ALK: variants seen among roughly 807,000 people sequenced by gnomAD.
The protein encoded by ALK is ALK receptor tyrosine kinase.
ALK carries 74 observed loss-of-function variants against 163.1 expected under a neutral mutation model. That is an observed-to-expected ratio of 0.45 (90% CI 0.38 to 0.55). The LOEUF is 0.55. Ranked by LOEUF, ALK falls within the 20% of genes least tolerant of loss-of-function variation. The pLI is 0.00. For missense variants in ALK, 2,063 were observed against 2,105.3 expected, an observed-to-expected ratio of 0.98 and a Z score of 0.39; for synonymous variants, 960 against 843.2, an observed-to-expected ratio of 1.14 and a Z score of -2.40.
intron 3 of ALK, among the ~76,000 whole-genome samples, chr2:29,573,839 C>A (rs756325138): frequency 6.6e-6 from 1 of 152,118 alleles, no homozygotes; most frequent in Non-Finnish European, 1.5e-5. Flanking sequence ...AAGACTGATT[C>A]ATGCAATAAG....
chr2:29,419,639 C>G (rs1044161286), intron 4 of ALK, among the ~76,000 whole-genome samples: 4 of 151,386 alleles, frequency 2.6e-5, no homozygotes, highest in African/African-American at 9.8e-5. Context: ...CTTAACTGCT[C>G]TATGAAGAAG....
chr2:29,247,179 T>A (rs1019210660), intron 12 of ALK, among the ~76,000 whole-genome samples: 13 of 151,114 alleles, frequency 8.6e-5, no homozygotes, highest in Non-Finnish European at 1.3e-4. Context: ...TCCCCCGGCC[T>A]CCGCGGCAGC....
intron 4 of ALK, among the ~76,000 whole-genome samples, chr2:29,491,735 G>A (rs999802844): frequency 2.0e-5 from 3 of 152,160 alleles, no homozygotes; most frequent in African/African-American, 7.2e-5. Context: ...TTCTTTAACT[G>A]ACAAATTAGT....
chr2:29,382,449 A>G (rs1194855747), intron 5 of ALK, among the ~76,000 whole-genome samples: 1 of 152,168 alleles, frequency 6.6e-6, no homozygotes, highest in Admixed American at 6.5e-5. Context: ...CAGGTCAAGA[A>G]ATTTTTGCAG....
chr2:29,701,360 G>C (rs1215297753), intron 2 of ALK, among the ~76,000 whole-genome samples: 1 of 152,122 alleles, frequency 6.6e-6, no homozygotes, highest in Non-Finnish European at 1.5e-5. Context: ...CTCCAACATT[G>C]CCCAGTTTCC....
At chr2:29,280,415 G>A (rs112971627) in intron 9 of ALK, among the ~76,000 whole-genome samples, 181 of 148,086 alleles carry the variant, frequency 1.2e-3, no homozygotes, top group African/African-American at 4.3e-3. Flanking sequence ...TCTGGGATGG[G>A]AGGAAAGTTC....
chr2:29,353,767 A>G (rs537544382), intron 5 of ALK, among the ~76,000 whole-genome samples: 106 of 152,290 alleles, frequency 7.0e-4, no homozygotes, highest in Non-Finnish European at 1.2e-3. Flanking sequence ...ATTAGGTTGA[A>G]CCAGATGAAA....
chr2:29,534,321 T>A (rs189748241), intron 3 of ALK, among the ~76,000 whole-genome samples: 52 of 152,316 alleles, frequency 3.4e-4, no homozygotes, highest in Non-Finnish European at 4.4e-4. Flanking sequence ...AAGTGTTTGC[T>A]ATATTACTGT....
At chr2:29,780,509 G>T (rs757909421) in intron 1 of ALK, among the ~76,000 whole-genome samples, 8 of 152,184 alleles carry the variant, frequency 5.3e-5, no homozygotes, top group Non-Finnish European at 7.3e-5. Flanking sequence ...AGTGCTTAGG[G>T]CTAGTTTTCA....
chr2:29,920,632 G>A lies in ALK; in HGVS notation c.28C>T (p.Leu10=), dbSNP rs763976087. 137 of 1,540,572 alleles carry A rather than the reference G, an allele frequency of 8.9e-5. 2 individuals carry two copies. In the South Asian group the frequency reaches 1.6e-3, roughly 18 times the overall value. The part of the protein sequence containing the change: MGAIGLLWL[L]PLLLSTAAVG... ...GCTGCCGTGGAAAGCAGCAGCGGCA[G>A]GAGCCACAGGAGCCCGATGGCTCCC... The change falls in exon 1 of 29, where the codon CTG becomes TTG. Residue 10 remains leucine, a synonymous_variant. Transcript: ENST00000389048.
At chr2:29,723,456 T>C (rs1038002157) in intron 1 of ALK, among the ~76,000 whole-genome samples, 1 of 152,210 alleles carries the variant, frequency 6.6e-6, no homozygotes, top group African/African-American at 2.4e-5. Context: ...CTTACACATA[T>C]ATGTGTTCTG....
chr2:29,773,167 GA>G (rs1681071880), intron 1 of ALK, among the ~76,000 whole-genome samples: 1 of 151,924 alleles, frequency 6.6e-6, no homozygotes, highest in Admixed American at 6.6e-5. Context: ...TTTCAAAAAA[GA>G]ATATTTTATT....
intron 1 of ALK, among the ~76,000 whole-genome samples, chr2:29,914,195 A>G (rs1225717440): frequency 6.6e-6 from 1 of 152,232 alleles, no homozygotes; most frequent in African/African-American, 2.4e-5. Flanking sequence ...CCACACTTCA[A>G]TCCTCCTTTC....
chr2:29,314,535 C>T (rs1055406195), intron 8 of ALK, among the ~76,000 whole-genome samples: 47 of 152,130 alleles, frequency 3.1e-4, no homozygotes, highest in African/African-American at 1.1e-3. Context: ...AGAGGGGAGA[C>T]GCAACTGCAG....
At chr2:29,461,312 A>C (rs1671078556) in intron 4 of ALK, among the ~76,000 whole-genome samples, 1 of 152,350 alleles carries the variant, frequency 6.6e-6, no homozygotes, top group Non-Finnish European at 1.5e-5. Context: ...CACTGATGAA[A>C]GTGGCTACAC....
At chr2:29,754,708 A>G (rs985762565) in intron 1 of ALK, among the ~76,000 whole-genome samples, 1 of 151,992 alleles carries the variant, frequency 6.6e-6, no homozygotes, top group Admixed American at 6.6e-5. Flanking sequence ...AATAATAATA[A>G]TAATAAAGTA....
chr2:29,883,920 CTA>C (rs1217582088), intron 1 of ALK, among the ~76,000 whole-genome samples: 1 of 151,994 alleles, frequency 6.6e-6, no homozygotes, highest in African/African-American at 2.4e-5. Flanking sequence ...AGATACTAGT[CTA>C]TTTTATCATT....
rs1189878579 is a variant in ALK at position 29,320,809 on chromosome 2, G to C, written c.1488C>G (p.Pro496=). Residue 496 remains proline (P), a synonymous_variant, in exon 7 of 29, where the codon CCC becomes CCG. Coordinates refer to ENST00000389048, the MANE Select transcript of ALK (RefSeq NM_004304.5). ...TCCTGACCTGCCATTGAGGAGTGTG[G>C]GGTGACAGTGTGCCTTGGGTCCAGC... ...FCGWTQGTLS[P]HTPQWQVRTL... 7 of 1,614,122 alleles carry C rather than the reference G, an allele frequency of 4.3e-6. No homozygotes were observed. Among genetic ancestry groups the C allele is most frequent in the Middle Eastern group, 1.7e-4 (1 of 6,060 alleles).
At chr2:29,458,989 T>TTAA (rs1336292824) in intron 4 of ALK, among the ~76,000 whole-genome samples, 1 of 152,278 alleles carries the variant, frequency 6.6e-6, no homozygotes, top group Non-Finnish European at 1.5e-5. Flanking sequence ...AATAGGCTTA[T>TTAA]AGGTCACTTG....
Sources: allele counts gnomAD v4.1 joint callset (sites outside exome capture counted in the v4.1 genomes callset), GRCh38; gene constraint gnomAD v4.1.1; transcripts MANE v1.5; gene names NCBI Gene and HGNC (gene_info 2026-07-23, HGNC 2026-07-21).